The following TENM3 variants were observed in gnomAD, a reference collection of about 807,000 sequenced individuals.
The protein encoded by TENM3 is teneurin-3.
In TENM3, 63 loss-of-function variants were observed where a neutral mutation model predicts 255.1. That is an observed-to-expected ratio of 0.25 (90% CI 0.20 to 0.30). The LOEUF (loss-of-function observed/expected upper bound fraction) is 0.30. TENM3 is among the 10% of genes least tolerant of loss of function. TENM3 has a pLI of 1.00. For synonymous variants in TENM3, 1,306 were observed against 1,322.3 expected (o/e 0.99, Z 0.27); for missense variants, 2,929 against 3,461.1 (o/e 0.85, Z 3.86).
chr4:181,900,405 G>T, the TENM3 span, among the ~76,000 whole-genome samples: 1 of 152,134 alleles, frequency 6.6e-6, no homozygotes, highest in Non-Finnish European at 1.5e-5. Context: ...AATAATATTA[G>T]TTGAAAATCA....
At chr4:182,667,339 C>T (rs1335900253) in intron 6 of TENM3, among the ~76,000 whole-genome samples, 3 of 151,884 alleles carry the variant, frequency 2.0e-5, no homozygotes, top group African/African-American at 4.8e-5. Flanking sequence ...TACAGGCGCC[C>T]GCCACCACAC....
chr4:182,346,397 A>G (rs1010638869), intron 2 of TENM3, among the ~76,000 whole-genome samples: 1 of 152,094 alleles, frequency 6.6e-6, no homozygotes, highest in Non-Finnish European at 1.5e-5. Flanking sequence ...TTACTTGCCC[A>G]TCTCTCTGGA....
At chr4:182,597,281 T>C (rs1262685025) in intron 3 of TENM3, among the ~76,000 whole-genome samples, 1 of 152,094 alleles carries the variant, frequency 6.6e-6, no homozygotes, top group Non-Finnish European at 1.5e-5. Flanking sequence ...TGGTGGCACA[T>C]GCCTGTAGTT....
intron 6 of TENM3, among the ~76,000 whole-genome samples, chr4:182,668,609 A>G (rs1262195396): frequency 6.6e-6 from 1 of 152,158 alleles, no homozygotes; most frequent in East Asian, 1.9e-4. Flanking sequence ...CTTTTTCTGG[A>G]AAAGAACCAC....
the TENM3 span, among the ~76,000 whole-genome samples, chr4:181,792,958 A>G: frequency 6.6e-6 from 1 of 152,016 alleles, no homozygotes; most frequent in African/African-American, 2.4e-5. Context: ...TTGAAGTTAT[A>G]GACGGTTTTT....
At chr4:182,567,509 A>G (rs1317238522) in intron 3 of TENM3, among the ~76,000 whole-genome samples, 2 of 152,110 alleles carry the variant, frequency 1.3e-5, no homozygotes, top group Admixed American at 6.6e-5. Context: ...CAGATTCTAC[A>G]TGACCTGGCT....
intron 3 of TENM3, among the ~76,000 whole-genome samples, chr4:182,572,199 G>A (rs1744452311): frequency 1.3e-5 from 2 of 152,314 alleles, no homozygotes; most frequent in South Asian, 2.1e-4. Context: ...ACTGCGCCCG[G>A]CCAATATTAC....
chr4:182,416,857 A>G (rs181487515), intron 3 of TENM3, among the ~76,000 whole-genome samples: 20 of 152,356 alleles, frequency 1.3e-4, no homozygotes, highest in African/African-American at 4.6e-4. Flanking sequence ...GGAGAGGCAC[A>G]CGTTGTCTGC....
At chr4:182,302,015 A>G (rs972018701) in intron 1 of TENM3, among the ~76,000 whole-genome samples, 1 of 152,114 alleles carries the variant, frequency 6.6e-6, no homozygotes, top group Non-Finnish European at 1.5e-5. Context: ...TGACTAATAC[A>G]ATTTTCTTTT....
At chr4:182,195,467 C>A (rs1446902243) in intron 1 of TENM3, among the ~76,000 whole-genome samples, 3 of 151,962 alleles carry the variant, frequency 2.0e-5, no homozygotes, top group Non-Finnish European at 2.9e-5. Flanking sequence ...AGCAAGAGCT[C>A]GCCTCTACAA....
chr4:182,744,907 G>T (rs1761894327), intron 19 of TENM3, among the ~76,000 whole-genome samples: 1 of 152,040 alleles, frequency 6.6e-6, no homozygotes. Flanking sequence ...ATAAAGACTT[G>T]TATGGACACA....
At chr4:181,631,168 A>G in the TENM3 span, among the ~76,000 whole-genome samples, 2 of 152,156 alleles carry the variant, frequency 1.3e-5, no homozygotes, top group South Asian at 4.1e-4. Flanking sequence ...TCAGTCCAGC[A>G]TCCTGATGTC....
intron 27 of TENM3, among the ~76,000 whole-genome samples, chr4:182,797,427 G>A (rs914134306): frequency 8.3e-5 from 12 of 143,836 alleles, no homozygotes; most frequent in African/African-American, 1.7e-4. Flanking sequence ...CAACAAGAGC[G>A]AAACTCCGTC....
At chr4:181,990,348 C>T in the TENM3 span, among the ~76,000 whole-genome samples, 13 of 152,214 alleles carry the variant, frequency 8.5e-5, no homozygotes, top group South Asian at 6.2e-4. Context: ...TACGTGCATA[C>T]GATTTGATAC....
the TENM3 span, among the ~76,000 whole-genome samples, chr4:181,795,164 G>A: frequency 2.0e-5 from 3 of 152,076 alleles, no homozygotes; most frequent in African/African-American, 7.2e-5. Flanking sequence ...TTTTGTCTTG[G>A]TCAGTTCAGG....
chr4:182,008,623 T>C, the TENM3 span, among the ~76,000 whole-genome samples: 1 of 152,064 alleles, frequency 6.6e-6, no homozygotes, highest in East Asian at 1.9e-4. Context: ...TAGCCATTCC[T>C]CTGACCTTTT....
At chr4:182,344,549 G>A (rs1404650211) in intron 2 of TENM3, among the ~76,000 whole-genome samples, 1 of 151,938 alleles carries the variant, frequency 6.6e-6, no homozygotes, top group Non-Finnish European at 1.5e-5. Flanking sequence ...TAGATTTTTT[G>A]CATCAAGATG....
At chr4:182,765,436 A>G (rs1418685292) in intron 22 of TENM3, among the ~76,000 whole-genome samples, 2 of 152,040 alleles carry the variant, frequency 1.3e-5, no homozygotes, top group Non-Finnish European at 2.9e-5. Context: ...ATTTTGCATC[A>G]CTTTCTGTAT....
chr4:182,634,129 A>G lies in TENM3; in HGVS notation c.988+5240A>G, dbSNP rs139540620. On this transcript the variant is annotated intron_variant, in intron 5 of 27. Transcript: ENST00000511685. Reference sequence around the variant, plus strand: ...ATGCTGTCACGTGTCCCGTTTCATGATGGAAATGTTCTGTTTCCACACTGT... The same window carrying G: ...ATGCTGTCACGTGTCCCGTTTCATGGTGGAAATGTTCTGTTTCCACACTGT... Among the ~76,000 whole-genome samples, 27 of 152,296 alleles carry G rather than the reference A, an allele frequency of 1.8e-4. No individual in the cohort carries two copies. The East Asian group carries it at 4.3e-3, about 24-fold the overall frequency.
Sources: gnomAD v4.1 joint callset for allele counts (sites outside exome capture counted in the v4.1 genomes callset) on GRCh38, gnomAD v4.1.1 for gene constraint, MANE v1.5 for transcripts, NCBI Gene and HGNC (gene_info 2026-07-23, HGNC 2026-07-21) for gene names.